The following THSD4 variants were observed in gnomAD, a reference collection of about 807,000 sequenced individuals.
THSD4 encodes the protein thrombospondin type 1 domain containing 4.
In THSD4, 69 loss-of-function variants were observed where a neutral mutation model predicts 119.0. The observed-to-expected ratio is 0.58, with a 90% CI of 0.48 to 0.71. THSD4 has a LOEUF of 0.71. Ranked by LOEUF, THSD4 falls within the 30% of genes least tolerant of loss-of-function variation. THSD4 has a pLI of 0.00. For missense variants in THSD4, 1,393 were observed against 1,391.1 expected (o/e 1.00, Z -0.02); for synonymous variants, 524 against 540.4 (o/e 0.97, Z 0.42).
chr15:71,673,475 G>A (rs2051575172), intron 8 of THSD4, among the ~76,000 whole-genome samples: 1 of 151,992 alleles, frequency 6.6e-6, no homozygotes, highest in African/African-American at 2.4e-5. Context: ...AGGGTTTTTT[G>A]TGTCTCTATC....
At position 71,263,303 on chromosome 15, in the gene THSD4, CT is replaced by C. The variant is rs569901466; in HGVS notation, c.1015+6594del. Reference sequence around the variant, plus strand: ...TCCCTGCAAAGGACATAATCTCATTCTTTTTTATGGCTGCATAGTATTCCAT... The same window carrying C: ...TCCCTGCAAAGGACATAATCTCATTCTTTTTATGGCTGCATAGTATTCCAT... On this transcript the variant is annotated intron_variant, in intron 6 of 17. Transcript: ENST00000261862. Among the ~76,000 whole-genome samples the C allele has an allele frequency of 8.0e-5, 11 of 137,210 alleles. No individual in the cohort carries two copies. In the East Asian group the frequency reaches 2.0e-3, roughly 25 times the overall value. The allele number at this position is 137,210 out of a possible 152,430, so 90.0% of individuals were successfully genotyped here.
At chr15:71,362,206 G>T (rs904497674) in intron 6 of THSD4, among the ~76,000 whole-genome samples, 14 of 152,190 alleles carry the variant, frequency 9.2e-5, no homozygotes, top group Admixed American at 3.3e-4. Flanking sequence ...TTGAACCTGG[G>T]AGGTGGAGGT....
At chr15:71,507,006 A>T (rs767051649) in intron 7 of THSD4, among the ~76,000 whole-genome samples, 16 of 152,352 alleles carry the variant, frequency 1.1e-4, no homozygotes, top group African/African-American at 3.8e-4. Flanking sequence ...ACACATACAC[A>T]CACACTCACA....
At chr15:71,453,443 G>A (rs904232084) in intron 7 of THSD4, among the ~76,000 whole-genome samples, 2 of 152,126 alleles carry the variant, frequency 1.3e-5, no homozygotes, top group African/African-American at 4.8e-5. Context: ...TCACTGTGAG[G>A]GCCATGGAGC....
At chr15:71,724,287 A>ATATATATATATATATAT in intron 8 of THSD4, among the ~76,000 whole-genome samples, 11 of 37,276 alleles carry the variant, frequency 3.0e-4, no homozygotes, top group Admixed American at 4.1e-4. Context: ...ATATATATAT[A>ATATATATATATATATAT]TTTTTTTTTT....
At chr15:71,395,774 G>A (rs2046443393) in intron 6 of THSD4, among the ~76,000 whole-genome samples, 1 of 151,902 alleles carries the variant, frequency 6.6e-6, no homozygotes, top group Admixed American at 6.6e-5. Flanking sequence ...TGCGAGCTGG[G>A]GTTCCTTGGA....
rs905507958 is a variant in THSD4, at chr15:71,317,760, C to T, written c.1015+61045C>T. ...ACTGGGAATGGTCTGGCTTCAAATC[C>T]TGGATCTATCACTTAGTATTGACAT... On this transcript the variant is annotated intron_variant, in intron 6 of 17. Coordinates refer to ENST00000261862, the MANE Select transcript of THSD4 (RefSeq NM_024817.3). Among the ~76,000 whole-genome samples the T allele has an allele frequency of 1.9e-4, 29 of 152,326 alleles. No homozygotes were observed. In the South Asian group the frequency reaches 5.8e-3, roughly 30 times the overall value.
intron 6 of THSD4, chr15:71,341,421 C>T (rs773460361): frequency 7.4e-6 from 12 of 1,612,738 alleles, no homozygotes; most frequent in East Asian, 4.5e-5. Flanking sequence ...TTACTCTCTG[C>T]GTTTTTAAGC....
At chr15:71,187,494 C>T (rs1214568583) in intron 3 of THSD4, 1 of 152,648 alleles carries the variant, frequency 6.6e-6, no homozygotes, top group African/African-American at 2.4e-5. Flanking sequence ...TGAAGAGGAA[C>T]TTGGTGGCCA....
chr15:71,315,881 C>A (rs1392043671), intron 6 of THSD4, among the ~76,000 whole-genome samples: 1 of 152,106 alleles, frequency 6.6e-6, no homozygotes, highest in African/African-American at 2.4e-5. Flanking sequence ...AAAAAATTGT[C>A]CTTCTATATT....
chr15:71,194,439 A>G (rs1235313907), intron 3 of THSD4, among the ~76,000 whole-genome samples: 1 of 152,018 alleles, frequency 6.6e-6, no homozygotes, highest in Non-Finnish European at 1.5e-5. Flanking sequence ...GGGTCTGGAG[A>G]TAGTTTGCCA....
At chr15:71,178,518 AT>A (rs1449555345) in intron 3 of THSD4, among the ~76,000 whole-genome samples, 3 of 11,318 alleles carry the variant, frequency 2.7e-4, no homozygotes, top group African/African-American at 8.7e-4. Flanking sequence ...AGAACATTCC[AT>A]GCTCATGGAT....
intron 8 of THSD4, among the ~76,000 whole-genome samples, chr15:71,695,335 A>G (rs554139067): frequency 2.0e-5 from 3 of 151,550 alleles, no homozygotes; most frequent in South Asian, 2.1e-4. Context: ...TTGTATGTGT[A>G]TGTGTGTGTG....
rs1039489472 is a variant in THSD4 at position 71,584,585 on chromosome 15, T to C, written c.1153-75945T>C. On this transcript the variant is annotated intron_variant, in intron 7 of 17. Coordinates refer to ENST00000261862, the MANE Select transcript of THSD4 (RefSeq NM_024817.3). ...TGCCCAGCCTTGACTTTTTTCACTT[T>C]CAACCAGTGTTTATCCTTAAAGCTA... Among the ~76,000 whole-genome samples, 8 of 152,276 alleles carry C rather than the reference T, an allele frequency of 5.3e-5. No homozygotes were observed. In the South Asian group the frequency reaches 6.2e-4, roughly 12 times the overall value.
At chr15:71,589,498 G>A (rs529317541) in intron 7 of THSD4, among the ~76,000 whole-genome samples, 1 of 138,514 alleles carries the variant, frequency 7.2e-6, no homozygotes, top group South Asian at 2.3e-4. Context: ...TGGAAACACA[G>A]TCATGCATCA....
intron 16 of THSD4, among the ~76,000 whole-genome samples, chr15:71,768,720 A>T (rs930057383): frequency 1.3e-5 from 2 of 150,982 alleles, no homozygotes; most frequent in African/African-American, 4.9e-5. Context: ...GCCCACCACC[A>T]TGCACGGCTA....
intron 6 of THSD4, among the ~76,000 whole-genome samples, chr15:71,385,879 C>A (rs1373773367): frequency 6.6e-6 from 1 of 152,156 alleles, no homozygotes; most frequent in Non-Finnish European, 1.5e-5. Context: ...CGGAAAGCTG[C>A]TGATGTTCAT....
At chr15:71,168,289 C>CAG (rs2043315108) in intron 3 of THSD4, among the ~76,000 whole-genome samples, 1 of 152,174 alleles carries the variant, frequency 6.6e-6, no homozygotes. Flanking sequence ...GTCTGCCTAG[C>CAG]AGACACTCCA....
intron 6 of THSD4, among the ~76,000 whole-genome samples, chr15:71,363,996 T>C (rs1404318965): frequency 6.6e-6 from 1 of 152,174 alleles, no homozygotes; most frequent in Non-Finnish European, 1.5e-5. Flanking sequence ...CTGATAGAAA[T>C]AGTATTCATT....
Sources: allele counts gnomAD v4.1 joint callset (sites outside exome capture counted in the v4.1 genomes callset), GRCh38; gene constraint gnomAD v4.1.1; transcripts MANE v1.5; gene names NCBI Gene and HGNC (gene_info 2026-07-23, HGNC 2026-07-21).